The following GABRB2 variants were observed in gnomAD, a reference collection of about 807,000 sequenced individuals.
GABRB2 encodes the protein gamma-aminobutyric acid receptor subunit beta-2.
In GABRB2, 16 loss-of-function variants were observed where a neutral mutation model predicts 54.7. That is an observed-to-expected ratio of 0.29 (90% CI 0.20 to 0.44). GABRB2 has a LOEUF of 0.44. Ranked by LOEUF, GABRB2 falls within the 20% of genes least tolerant of loss-of-function variation. The probability of loss-of-function intolerance (pLI) is 1.00; values close to 1 mark genes in which losing one functional copy is unlikely to be tolerated. For missense variants in GABRB2, 355 were observed against 644.0 expected (o/e 0.55, Z 4.86); for synonymous variants, 244 against 233.8 (o/e 1.04, Z -0.40).
intron 5 of GABRB2, among the ~76,000 whole-genome samples, chr5:161,392,561 G>A (rs937936786): frequency 9.2e-5 from 14 of 152,084 alleles, no homozygotes; most frequent in African/African-American, 3.4e-4. Flanking sequence ...GACCAAATTC[G>A]GACTCCACCA....
intron 5 of GABRB2, among the ~76,000 whole-genome samples, chr5:161,366,603 G>GA (rs1754979738): frequency 6.6e-6 from 1 of 152,088 alleles, no homozygotes; most frequent in Admixed American, 6.6e-5. Flanking sequence ...ACTGTTAACT[G>GA]AAAGAATCCA....
intron 3 of GABRB2, among the ~76,000 whole-genome samples, chr5:161,525,787 T>C (rs1760259265): frequency 6.6e-6 from 1 of 151,336 alleles, no homozygotes; most frequent in African/African-American, 2.4e-5. Flanking sequence ...CCCATCCAAC[T>C]AATGCATCTA....
chr5:161,528,088 A>G (rs1760337561), intron 3 of GABRB2, among the ~76,000 whole-genome samples: 1 of 151,808 alleles, frequency 6.6e-6, no homozygotes, highest in Admixed American at 6.6e-5. Context: ...TTGAACAAGT[A>G]TGCTGCATTC....
chr5:161,463,742 C>T (rs1382744216), intron 3 of GABRB2, among the ~76,000 whole-genome samples: 2 of 150,256 alleles, frequency 1.3e-5, no homozygotes, highest in Non-Finnish European at 3.0e-5. Flanking sequence ...AACATAGGGT[C>T]TAAAACAGAA....
At chr5:161,546,440 G>C in intron 1 of GABRB2, 27 bp from the exon 2 acceptor site, 1 of 1,599,986 alleles carries the variant, frequency 6.3e-7, no homozygotes, top group Non-Finnish European at 8.6e-7. Context: ...CAATAAGCAG[G>C]CATCAATAAG....
intron 4 of GABRB2, among the ~76,000 whole-genome samples, chr5:161,416,866 G>A (rs532197195): frequency 9.9e-5 from 15 of 151,552 alleles, no homozygotes; most frequent in African/African-American, 3.6e-4. Flanking sequence ...AGCATTAGTG[G>A]GCATCAGTTA....
intron 3 of GABRB2, among the ~76,000 whole-genome samples, chr5:161,522,325 A>C (rs2113433613): frequency 6.6e-6 from 1 of 151,916 alleles, no homozygotes; most frequent in African/African-American, 2.4e-5. Flanking sequence ...TTACCATATA[A>C]AAAATACAGC....
intron 9 of GABRB2, among the ~76,000 whole-genome samples, chr5:161,314,837 C>T (rs1037441830): frequency 1.3e-5 from 2 of 152,040 alleles, no homozygotes; most frequent in Admixed American, 1.3e-4. Flanking sequence ...CTAGGATCTG[C>T]TATCGATATA....
rs976519496 is a variant in GABRB2 at position 161,341,948 on chromosome 5, T to C, written c.542-5179A>G. Among the ~76,000 whole-genome samples the C allele has an allele frequency of 4.9e-4, 33 of 67,296 alleles. 1 individual carries two copies. The highest frequency in any genetic ancestry group is 1.9e-3 in the Admixed American group (11 of 5,858). 44.1% of individuals were successfully genotyped at this position (67,296 alleles called of 152,430 possible). A position where few individuals can be genotyped will look rare whatever the true frequency, so the allele number is the denominator to read the frequency against. On this transcript the variant is annotated intron_variant, in intron 5 of 9. Coordinates refer to ENST00000393959, the MANE Select transcript of GABRB2 (RefSeq NM_001371727.1). Reference sequence around the variant, plus strand: ...ATTTATTTTTTCTTTTATATATATATATATATATATATATATATATACATA... The same window carrying C: ...ATTTATTTTTTCTTTTATATATATACATATATATATATATATATATACATA...
chr5:161,473,216 C>A (rs1758497405), intron 3 of GABRB2, among the ~76,000 whole-genome samples: 1 of 151,990 alleles, frequency 6.6e-6, no homozygotes, highest in Non-Finnish European at 1.5e-5. Context: ...CTTGATAAAG[C>A]AATGATAGTA....
rs1757222774 is a variant in GABRB2 at position 161,290,990 on chromosome 5, G to A, written c.*3091C>T. On this transcript the variant is annotated 3_prime_UTR_variant, in exon 10 of 10. Coordinates refer to ENST00000393959, the MANE Select transcript of GABRB2 (RefSeq NM_001371727.1). ...CTTTTGAAGAAATGAGAAGAGAAAA[G>A]GTCTAGATGGCACTGCTTGAATCTT... 6.6e-6 allele frequency: 1 copy of A among 152,434 alleles called. No homozygotes were observed. The highest frequency in any genetic ancestry group is 1.5e-5 in the Non-Finnish European group (1 of 67,968). 9.4% of individuals were successfully genotyped at this position (152,434 alleles called of 1,614,324 possible). A position where few individuals can be genotyped will look rare whatever the true frequency, so the allele number is the denominator to read the frequency against.
At chr5:161,334,975 T>G (rs1343706219) in intron 6 of GABRB2, 71 bp from the exon 7 acceptor site, 1 of 1,438,660 alleles carries the variant, frequency 7.0e-7, no homozygotes. Flanking sequence ...TAAAGGTGCA[T>G]AAACAGTACC....
At chr5:161,520,092 G>A (rs1760070801) in intron 3 of GABRB2, among the ~76,000 whole-genome samples, 1 of 152,038 alleles carries the variant, frequency 6.6e-6, no homozygotes, top group South Asian at 2.1e-4. Context: ...AATACCAAGT[G>A]AAATATAAGG....
intron 3 of GABRB2, among the ~76,000 whole-genome samples, chr5:161,487,131 C>A (rs576612906): frequency 1.6e-4 from 24 of 152,030 alleles, no homozygotes; most frequent in African/African-American, 5.8e-4. Flanking sequence ...TGAAAATGTT[C>A]TTTTCCCAAT....
chr5:161,378,937 C>A (rs1005742092), intron 5 of GABRB2, among the ~76,000 whole-genome samples: 4 of 152,110 alleles, frequency 2.6e-5, no homozygotes, highest in African/African-American at 9.7e-5. Flanking sequence ...GAGAGCTAGG[C>A]AAGCCATTTC....
chr5:161,357,705 G>A (rs1754677925), intron 5 of GABRB2, among the ~76,000 whole-genome samples: 1 of 151,990 alleles, frequency 6.6e-6, no homozygotes, highest in Non-Finnish European at 1.5e-5. Context: ...AAGAAATGAT[G>A]AGAAATGATG....
At chr5:161,439,355 T>A (rs1405016335) in intron 4 of GABRB2, among the ~76,000 whole-genome samples, 1 of 152,120 alleles carries the variant, frequency 6.6e-6, no homozygotes, top group Non-Finnish European at 1.5e-5. Context: ...GAACAAAAAC[T>A]GAGGGACTTC....
chr5:161,434,469 C>CA (rs1295257223), intron 4 of GABRB2, among the ~76,000 whole-genome samples: 7 of 152,254 alleles, frequency 4.6e-5, no homozygotes, highest in African/African-American at 1.7e-4. Context: ...TAACCTCTCT[C>CA]ATTTCTCATA....
At chr5:161,387,411 C>T (rs1236562707) in intron 5 of GABRB2, among the ~76,000 whole-genome samples, 1 of 152,134 alleles carries the variant, frequency 6.6e-6, no homozygotes, top group Non-Finnish European at 1.5e-5. Context: ...CTAGTCTTCT[C>T]TGCTGAGAAT....
Sources: allele counts gnomAD v4.1 joint callset (sites outside exome capture counted in the v4.1 genomes callset), GRCh38; gene constraint gnomAD v4.1.1; transcripts MANE v1.5; gene names NCBI Gene and HGNC (gene_info 2026-07-23, HGNC 2026-07-21).